The following EFR3B variants were observed in gnomAD, a reference collection of about 807,000 sequenced individuals.
EFR3B encodes the protein protein EFR3 homolog B.
In EFR3B, 64 loss-of-function variants were observed where a neutral mutation model predicts 104.7. That is an observed-to-expected ratio of 0.61 (90% CI 0.50 to 0.75). EFR3B has a LOEUF of 0.75. Ranked by LOEUF, EFR3B falls within the 30% of genes least tolerant of loss-of-function variation. The pLI, the probability that EFR3B is intolerant of heterozygous loss-of-function variation, is 0.00. For missense variants in EFR3B, 750 were observed against 1,078.5 expected, an observed-to-expected ratio of 0.70 and a Z score of 4.27; for synonymous variants, 385 against 417.9, an observed-to-expected ratio of 0.92 and a Z score of 0.96.
chr2:25,084,452 T>A, intron 1 of EFR3B, among the ~76,000 whole-genome samples: 1 of 152,196 alleles, frequency 6.6e-6, no homozygotes, highest in East Asian at 1.9e-4. Flanking sequence ...TTGGCCAGGC[T>A]GGTCTCGAAC....
In EFR3B at chr2:25,157,354, C is replaced by G. The variant is rs1422836955; in HGVS notation, c.*3014C>G. On this transcript the variant is annotated 3_prime_UTR_variant, in exon 23 of 23. Transcript: ENST00000403714. ...AGGTGAGTGTGATAGTAGGTAATCT[C>G]CTCACCCCAGCACAGGCCCTGGGAG... 6.6e-6 allele frequency: 1 copy of G among 152,168 alleles called. No homozygotes were observed. The highest frequency in any genetic ancestry group is 1.5e-5 in the Non-Finnish European group (1 of 68,064). 9.4% of individuals were successfully genotyped at this position (152,168 alleles called of 1,614,324 possible). A position where few individuals can be genotyped will look rare whatever the true frequency, so the allele number is the denominator to read the frequency against.
intron 1 of EFR3B, among the ~76,000 whole-genome samples, chr2:25,083,046 A>G (rs1257120182): frequency 6.6e-6 from 1 of 152,212 alleles, no homozygotes; most frequent in East Asian, 1.9e-4. Context: ...AGCTGCCAAA[A>G]TCATGTGTCA....
At position 25,091,421 on chromosome 2, in the gene EFR3B, G is replaced by T; in HGVS notation, c.84+20G>T. ...CCCGAGGTGGGTCATGTCTCTGGCA[G>T]GCATCGTGGCTCTCATGGTCCAGGC... On this transcript the variant is annotated intron_variant, in intron 2 of 22. Transcript: ENST00000403714. 1 of 1,543,874 alleles carries T rather than the reference G, an allele frequency of 6.5e-7. No homozygotes were observed. Among genetic ancestry groups the T allele is most frequent in the Admixed American group, 2.0e-5 (1 of 49,174 alleles).
At chr2:25,084,383 C>T (rs886910867) in intron 1 of EFR3B, among the ~76,000 whole-genome samples, 5 of 151,922 alleles carry the variant, frequency 3.3e-5, no homozygotes, top group African/African-American at 4.8e-5. Context: ...ATTACAGGTG[C>T]GCGCTGCCAC....
At position 25,068,671 on chromosome 2, in the gene EFR3B, C is replaced by G. The variant is rs534040462; in HGVS notation, c.8-22654C>G. On this transcript the variant is annotated intron_variant, in intron 1 of 22. Transcript: ENST00000403714. ...TTGAGACAGATTCTCGCTCTGTCCC[C>G]CAGGCTGGAGTACAGTGGCGCGATC... 2.6e-4 allele frequency among the ~76,000 whole-genome samples: 39 copies of G among 151,386 alleles called. No individual in the cohort carries two copies. In the South Asian group the frequency reaches 8.2e-3, roughly 32 times the overall value.
chr2:25,058,894 C>T (rs1668102252), intron 1 of EFR3B, among the ~76,000 whole-genome samples: 1 of 151,862 alleles, frequency 6.6e-6, no homozygotes, highest in African/African-American at 2.4e-5. Flanking sequence ...GGTGACTCCT[C>T]AGAGAGGGAA....
chr2:25,125,841 G>A (rs955790923), intron 5 of EFR3B, among the ~76,000 whole-genome samples: 1 of 152,186 alleles, frequency 6.6e-6, no homozygotes, highest in Non-Finnish European at 1.5e-5. Flanking sequence ...CCAGCTACTG[G>A]GGAGGCTGAG....
intron 1 of EFR3B, among the ~76,000 whole-genome samples, chr2:25,072,273 A>AT (rs11385440): frequency 1 from 152,295 of 152,296 alleles, 76,147 homozygotes; most frequent in Middle Eastern, 1. Flanking sequence ...TCCAGCCCTT[A>AT]TTTCTTTTCT....
At chr2:25,122,064 T>G (rs898793757) in intron 5 of EFR3B, among the ~76,000 whole-genome samples, 8 of 151,996 alleles carry the variant, frequency 5.3e-5, no homozygotes, top group Non-Finnish European at 1.2e-4. Flanking sequence ...CCTCCCAGGT[T>G]CAAGTGATTC....
chr2:25,149,640 G>T (rs371327192), intron 19 of EFR3B, 54 bp from the exon 20 acceptor site: 7 of 1,529,842 alleles, frequency 4.6e-6, no homozygotes, highest in African/African-American at 2.8e-5. Flanking sequence ...TGCCAGGGCT[G>T]CCTCCTTTCT....
intron 1 of EFR3B, among the ~76,000 whole-genome samples, chr2:25,063,141 T>C (rs952542035): frequency 7.4e-6 from 1 of 134,726 alleles, no homozygotes; most frequent in Admixed American, 8.2e-5. Context: ...GGTTTCACCA[T>C]GTTGGCCAGG....
Position 25,121,781 on chromosome 2 carries a change from G to C in EFR3B, c.472G>C (p.Glu158Gln). 1.3e-6 allele frequency: 2 copies of C among 1,551,846 alleles called. No homozygotes were observed. The highest frequency in any genetic ancestry group is 1.7e-6 in the Non-Finnish European group (2 of 1,147,026). The change falls in exon 5 of 23, where the codon GAA becomes CAA. Residue 158 changes from glutamate (E) to glutamine (Q), a missense_variant. By Grantham distance (29) the Glu-to-Gln change is conservative. Coordinates refer to ENST00000403714, the MANE Select transcript of EFR3B (RefSeq NM_014971.2). Reference protein sequence around the residue: ...EMCHSSHDDLEIKTKIRMSGI... With the variant: ...EMCHSSHDDLQIKTKIRMSGI... ...GTGCCACTCGAGCCATGATGACTTA[G>C]AAATCAAGACCAAGTGAGTAGGGGA...
chr2:25,132,232 C>T (rs1670364895), intron 10 of EFR3B, among the ~76,000 whole-genome samples: 1 of 152,180 alleles, frequency 6.6e-6, no homozygotes, highest in Non-Finnish European at 1.5e-5. Flanking sequence ...GCCTGAGCGA[C>T]AGCGCAAGCA....
intron 3 of EFR3B, among the ~76,000 whole-genome samples, chr2:25,100,644 C>T (rs1248873958): frequency 6.6e-6 from 1 of 152,226 alleles, no homozygotes; most frequent in African/African-American, 2.4e-5. Context: ...AGGCACCTGC[C>T]ACCGCGCCTG....
chr2:25,072,757 G>A (rs963046711), intron 1 of EFR3B, among the ~76,000 whole-genome samples: 16 of 152,116 alleles, frequency 1.1e-4, no homozygotes, highest in African/African-American at 2.4e-4. Context: ...AGAATGCCAC[G>A]GAGCTCCTCC....
chr2:25,052,205 AAAAT>A (rs747082111), intron 1 of EFR3B, among the ~76,000 whole-genome samples: 4 of 151,898 alleles, frequency 2.6e-5, no homozygotes, highest in Non-Finnish European at 4.4e-5. Flanking sequence ...TCAAAAAATA[AAAAT>A]AAATAAATAA....
intron 1 of EFR3B, among the ~76,000 whole-genome samples, chr2:25,048,038 G>C (rs937728141): frequency 6.6e-6 from 1 of 152,022 alleles, no homozygotes; most frequent in African/African-American, 2.4e-5. Flanking sequence ...TTATTTTAGA[G>C]ACAGGATCTC....
At chr2:25,081,220 CT>C in intron 1 of EFR3B, 1 of 929,972 alleles carries the variant, frequency 1.1e-6, no homozygotes, top group Non-Finnish European at 1.7e-6. Flanking sequence ...GCTTTTGCTT[CT>C]TCTGGAGAGA....
At position 25,128,182 on chromosome 2, in the gene EFR3B, G is replaced by A; in HGVS notation, c.486-1G>A. The A allele has an allele frequency of 6.4e-7, 1 of 1,551,688 alleles. No individual in the cohort carries two copies. Among genetic ancestry groups the A allele is most frequent in the Middle Eastern group, 1.7e-4 (1 of 5,992 alleles). ...GTCCCACTTCACCCTTTTCCTTACA[G>A]AATTCGAATGTCAGGCATCAAAGGC... is the stretch of plus-strand genomic sequence containing the variant. On this transcript the variant is annotated splice_acceptor_variant, in intron 5 of 22. Coordinates refer to ENST00000403714, the MANE Select transcript of EFR3B (RefSeq NM_014971.2). LOFTEE classifies it high-confidence loss of function.
Sources: gnomAD v4.1 joint callset for allele counts (sites outside exome capture counted in the v4.1 genomes callset) on GRCh38, gnomAD v4.1.1 for gene constraint, MANE v1.5 for transcripts, NCBI Gene and HGNC (gene_info 2026-07-23, HGNC 2026-07-21) for gene names.